WDPCP: variants seen among roughly 807,000 people sequenced by gnomAD.
WDPCP encodes the protein WD repeat-containing and planar cell polarity effector protein fritz homolog.
In WDPCP, 71 loss-of-function variants were observed where a neutral mutation model predicts 93.1. The observed-to-expected ratio is 0.76, with a 90% CI of 0.63 to 0.93. The LOEUF (loss-of-function observed/expected upper bound fraction) is 0.93, where lower values mean the gene tolerates loss of function less well. WDPCP is among the 40% of genes least tolerant of loss of function. WDPCP has a pLI of 0.00. For missense variants in WDPCP, 844 were observed against 887.4 expected (o/e 0.95, Z 0.62); for synonymous variants, 315 against 315.0 (o/e 1.00, Z 0.00).
At chr2:63,314,904 G>T (rs1324350522) in intron 12 of WDPCP, among the ~76,000 whole-genome samples, 1 of 152,128 alleles carries the variant, frequency 6.6e-6, no homozygotes, top group East Asian at 1.9e-4. Context: ...TGGAGAGAGT[G>T]AAATTAAGGG....
chr2:63,632,847 T>C (rs1484963017), intron 3 of WDPCP, among the ~76,000 whole-genome samples: 3 of 152,144 alleles, frequency 2.0e-5, no homozygotes, highest in Non-Finnish European at 4.4e-5. Flanking sequence ...AGTCTGGGGA[T>C]ATGTATGGAT....
rs10667775 is a variant in WDPCP, at chr2:63,497,111, C to CA, written c.76-4172dup. 5.3e-3 allele frequency among the ~76,000 whole-genome samples: 385 copies of CA among 72,396 alleles called. 23 individuals are homozygous for CA. Among genetic ancestry groups the CA allele is most frequent in the African/African-American group, 0.015 (267 of 17,780 alleles). The allele number at this position is 72,396 out of a possible 152,430, so 47.5% of individuals were successfully genotyped here. ...TAGGTGACAGAGTGAGACTCCATCTCAAAAAAAAAAAAAAAAAAAAAGAAT... is the reference window on the plus strand; with the variant it reads ...TAGGTGACAGAGTGAGACTCCATCTCAAAAAAAAAAAAAAAAAAAAAAGAAT... On this transcript the variant is annotated intron_variant, in intron 1 of 17. Coordinates refer to ENST00000272321, the MANE Select transcript of WDPCP (RefSeq NM_015910.7).
chr2:63,536,065 C>A (rs1005314373), intron 1 of WDPCP, among the ~76,000 whole-genome samples: 1 of 152,196 alleles, frequency 6.6e-6, no homozygotes, highest in Admixed American at 6.5e-5. Flanking sequence ...TATTAACAGA[C>A]ACTTCTCAAA....
intron 12 of WDPCP, among the ~76,000 whole-genome samples, chr2:63,338,569 AATATATAT>A (rs1159039677): frequency 0.059 from 833 of 14,146 alleles, 15 homozygotes; most frequent in East Asian, 0.17. Flanking sequence ...AAAAAAAAAA[AATATATAT>A]ATATATATAT....
intron 2 of WDPCP, 97 bp downstream of exon 2, chr2:63,492,759 T>G: frequency 9.0e-7 from 1 of 1,115,014 alleles, no homozygotes; most frequent in Non-Finnish European, 1.3e-6. Flanking sequence ...AGAATGCAAC[T>G]CCAGCTGGAG....
chr2:63,441,971 T>G (rs1261359545), intron 6 of WDPCP: 2 of 152,080 alleles, frequency 1.3e-5, no homozygotes, highest in African/African-American at 4.8e-5. Context: ...ACTAATAAAG[T>G]GCTGTTACCA....
At chr2:63,735,728 T>A (rs1669629705) in intron 2 of WDPCP, among the ~76,000 whole-genome samples, 1 of 152,148 alleles carries the variant, frequency 6.6e-6, no homozygotes, top group East Asian at 1.9e-4. Flanking sequence ...ACTAGAGGCA[T>A]GGAAGAAAGA....
At chr2:63,413,789 A>C (rs991297216) in intron 9 of WDPCP, among the ~76,000 whole-genome samples, 36 of 151,076 alleles carry the variant, frequency 2.4e-4, no homozygotes, top group African/African-American at 8.5e-4. Context: ...GTCTCAAAAA[A>C]CAAACAAACA....
intron 6 of WDPCP, chr2:63,441,751 C>G (rs1697520536): frequency 6.6e-6 from 1 of 152,062 alleles, no homozygotes; most frequent in African/African-American, 2.4e-5. Flanking sequence ...ATCAGGAGCT[C>G]ACTGCTTCAC....
intron 2 of WDPCP, among the ~76,000 whole-genome samples, chr2:63,487,849 G>A (rs1424571431): frequency 6.6e-6 from 1 of 152,102 alleles, no homozygotes; most frequent in Non-Finnish European, 1.5e-5. Context: ...AATGCCAGAT[G>A]AAATCAGTGG....
At chr2:63,439,921 A>C (rs751553908) in intron 6 of WDPCP, 50 bp from the exon 7 acceptor site, 27 of 1,433,848 alleles carry the variant, frequency 1.9e-5, no homozygotes, top group Non-Finnish European at 2.7e-5. Context: ...GCTGTGATTT[A>C]GAATCTTTAA....
chr2:63,586,150 T>C (rs1708832604), intron 1 of WDPCP, among the ~76,000 whole-genome samples: 1 of 152,202 alleles, frequency 6.6e-6, no homozygotes, highest in African/African-American at 2.4e-5. Flanking sequence ...AATTGTATAC[T>C]ATAAAAAAGC....
chr2:63,338,741 T>A (rs913817855), intron 12 of WDPCP, among the ~76,000 whole-genome samples: 1 of 151,388 alleles, frequency 6.6e-6, no homozygotes, highest in Non-Finnish European at 1.5e-5. Flanking sequence ...GGTTTATGTG[T>A]CTGTTTTTAT....
chr2:63,611,171 T>C (rs916740309), intron 3 of WDPCP, among the ~76,000 whole-genome samples: 3 of 152,218 alleles, frequency 2.0e-5, no homozygotes, highest in African/African-American at 7.2e-5. Context: ...TAGTACTCTG[T>C]TGAATGGATA....
At chr2:63,350,292 G>A (rs1028685687) in intron 12 of WDPCP, among the ~76,000 whole-genome samples, 1 of 152,240 alleles carries the variant, frequency 6.6e-6, no homozygotes, top group Non-Finnish European at 1.5e-5. Context: ...GCATGTCGGA[G>A]GGTGCAGGGC....
At chr2:63,247,404 G>A (rs1268084563) in intron 14 of WDPCP, among the ~76,000 whole-genome samples, 2 of 152,156 alleles carry the variant, frequency 1.3e-5, no homozygotes, top group African/African-American at 4.8e-5. Context: ...ATGAATGAAT[G>A]TGTAAGAAAA....
At chr2:63,122,193 CATAAG>C (rs1317637847) in intron 17 of WDPCP, 137 bp from the exon 18 acceptor site, 2 of 692,696 alleles carry the variant, frequency 2.9e-6, no homozygotes, top group Non-Finnish European at 4.8e-6. Context: ...CACATAGATA[CATAAG>C]ATAACTGTAT....
intron 13 of WDPCP, among the ~76,000 whole-genome samples, chr2:63,276,370 C>G (rs1342839230): frequency 6.6e-6 from 1 of 152,040 alleles, no homozygotes; most frequent in East Asian, 1.9e-4. Context: ...GGATCCAAAC[C>G]AAGATTAAAT....
At chr2:63,207,787 T>A (rs879725186) in intron 14 of WDPCP, among the ~76,000 whole-genome samples, 1 of 152,134 alleles carries the variant, frequency 6.6e-6, no homozygotes, top group African/African-American at 2.4e-5. Flanking sequence ...TTCAGGAAAT[T>A]TTTCTTAAGA....
Sources: allele counts gnomAD v4.1 joint callset (sites outside exome capture counted in the v4.1 genomes callset), GRCh38; gene constraint gnomAD v4.1.1; transcripts MANE v1.5; gene names NCBI Gene and HGNC (gene_info 2026-07-23, HGNC 2026-07-21).